TRPM6: variants seen among roughly 807,000 people sequenced by gnomAD.
TRPM6 encodes channel kinase 2.
A neutral mutation model predicts 247.6 loss-of-function variants in TRPM6; 111 were observed. The ratio of observed to expected loss-of-function variants is 0.45; its 90% CI spans 0.38 to 0.52. The LOEUF is 0.52. Ranked by LOEUF, TRPM6 falls within the 20% of genes least tolerant of loss-of-function variation. The pLI, the probability that TRPM6 is intolerant of heterozygous loss-of-function variation, is 0.00. For missense variants in TRPM6, 2,126 were observed against 2,421.5 expected (o/e 0.88, Z 2.56); for synonymous variants, 892 against 853.8 (o/e 1.04, Z -0.78).
At chr9:74,801,772 G>T in intron 16 of TRPM6, 126 bp downstream of exon 16, 1 of 1,179,550 alleles carries the variant, frequency 8.5e-7, no homozygotes, top group Non-Finnish European at 1.2e-6. Context: ...CTTTTAACAG[G>T]AGAGTCCATA....
chr9:74,875,204 C>A (rs1178676511), intron 1 of TRPM6: 1 of 453,664 alleles, frequency 2.2e-6, no homozygotes, highest in Non-Finnish European at 4.4e-6. Flanking sequence ...CACTGGAATT[C>A]AGAGATGTTG....
intron 25 of TRPM6, among the ~76,000 whole-genome samples, chr9:74,770,361 TTC>T (rs1248235032): frequency 1.3e-5 from 2 of 152,354 alleles, no homozygotes; most frequent in South Asian, 2.1e-4. Flanking sequence ...CACATTTAAC[TTC>T]TGTCAATTTG....
chr9:74,788,508 A>AC lies in TRPM6; in HGVS notation c.2667+105dup, dbSNP rs1827775014. ...AGGTCAGTGTGTCCTGTCTTCCCCC[A>AC]CCCTTGACATGTCCATTTTCATCAC... On this transcript the variant is annotated intron_variant, in intron 20 of 38. Transcript: ENST00000360774. 27 of 1,366,866 alleles carry AC rather than the reference A, an allele frequency of 2.0e-5. No individual in the cohort carries two copies. In the South Asian group the frequency reaches 2.8e-4, roughly 14 times the overall value. The allele number at this position is 1,366,866 out of a possible 1,614,324, so 84.7% of individuals were successfully genotyped here. A position where few individuals can be genotyped will look rare whatever the true frequency, so the allele number is the denominator to read the frequency against.
chr9:74,881,614 C>G (rs952343261), intron 1 of TRPM6, among the ~76,000 whole-genome samples: 3 of 152,122 alleles, frequency 2.0e-5, no homozygotes, highest in Non-Finnish European at 4.4e-5. Context: ...AACATCTCAT[C>G]CAACAGTTCC....
intron 3 of TRPM6, among the ~76,000 whole-genome samples, chr9:74,850,651 C>T (rs1261135919): frequency 6.7e-6 from 1 of 149,166 alleles, no homozygotes; most frequent in Non-Finnish European, 1.5e-5. Context: ...ACCTAGAAGG[C>T]AGAGGTTACT....
intron 7 of TRPM6, 199 bp downstream of exon 7, chr9:74,827,579 C>T: frequency 1.5e-6 from 1 of 687,766 alleles, no homozygotes; most frequent in African/African-American, 1.8e-5. Flanking sequence ...TTTAGTGGAT[C>T]CTCGAAGTGT....
chr9:74,736,242 C>G (rs1370259246), intron 36 of TRPM6, among the ~76,000 whole-genome samples: 1 of 152,160 alleles, frequency 6.6e-6, no homozygotes, highest in African/African-American at 2.4e-5. Context: ...AAGGTGGTTG[C>G]TCCTCCGTGT....
At chr9:74,732,414 T>C (rs942281568) in intron 37 of TRPM6, among the ~76,000 whole-genome samples, 1 of 152,220 alleles carries the variant, frequency 6.6e-6, no homozygotes, top group Non-Finnish European at 1.5e-5. Context: ...CATTGGGAAC[T>C]CAGTCAAATT....
intron 5 of TRPM6, among the ~76,000 whole-genome samples, chr9:74,834,456 C>CTTATTA (rs113274138): frequency 0.036 from 5,388 of 150,052 alleles, 313 homozygotes; most frequent in African/African-American, 0.12. Context: ...ATTATGAATG[C>CTTATTA]TTATTATTAT....
At chr9:74,746,845 G>A (rs1482497731) in intron 31 of TRPM6, among the ~76,000 whole-genome samples, 3 of 151,918 alleles carry the variant, frequency 2.0e-5, no homozygotes, top group South Asian at 2.1e-4. Flanking sequence ...GGGGAGTGGC[G>A]GGGGAGGGAC....
chr9:74,748,678 G>A (rs1283797961), intron 30 of TRPM6, among the ~76,000 whole-genome samples: 1 of 152,074 alleles, frequency 6.6e-6, no homozygotes, highest in Non-Finnish European at 1.5e-5. Flanking sequence ...ACATATTTTT[G>A]TACAACCATA....
intron 32 of TRPM6, among the ~76,000 whole-genome samples, chr9:74,743,436 C>T (rs1825927640): frequency 6.6e-6 from 1 of 152,212 alleles, no homozygotes; most frequent in South Asian, 2.1e-4. Flanking sequence ...AGCAATGACT[C>T]CCAAGAAACC....
At chr9:74,758,913 A>T (rs1038001743) in intron 27 of TRPM6, among the ~76,000 whole-genome samples, 3 of 152,150 alleles carry the variant, frequency 2.0e-5, no homozygotes. Context: ...CTACTCAAGT[A>T]AAGAAGTTTA....
intron 1 of TRPM6, among the ~76,000 whole-genome samples, chr9:74,864,887 C>A (rs1830795706): frequency 6.6e-6 from 1 of 151,990 alleles, no homozygotes; most frequent in Admixed American, 6.6e-5. Context: ...GCCTGGCCAA[C>A]ATGATGAAAC....
At chr9:74,887,191 G>T (rs1236357103) in intron 1 of TRPM6, 3 of 1,226,294 alleles carry the variant, frequency 2.4e-6, no homozygotes, top group Admixed American at 7.4e-5. Flanking sequence ...GCGGCGCCGC[G>T]TTGGGGAAGG....
chr9:74,843,643 C>T (rs1457016386), intron 3 of TRPM6, among the ~76,000 whole-genome samples: 2 of 150,186 alleles, frequency 1.3e-5, no homozygotes, highest in Non-Finnish European at 3.0e-5. Flanking sequence ...CCCGTCTCTA[C>T]TAAAAAATAC....
chr9:74,867,974 G>T (rs900345138), intron 1 of TRPM6, among the ~76,000 whole-genome samples: 1 of 151,716 alleles, frequency 6.6e-6, no homozygotes, highest in African/African-American at 2.4e-5. Context: ...CCAACATGGC[G>T]AAACCCCAAC....
chr9:74,813,547 GA>G (rs1415334617), intron 11 of TRPM6, among the ~76,000 whole-genome samples: 1 of 152,160 alleles, frequency 6.6e-6, no homozygotes, highest in Non-Finnish European at 1.5e-5. Context: ...CAATACAAGA[GA>G]AAAGACATGA....
At chr9:74,785,554 G>A (rs935485926) in intron 21 of TRPM6, among the ~76,000 whole-genome samples, 7 of 151,516 alleles carry the variant, frequency 4.6e-5, no homozygotes, top group Admixed American at 6.6e-5. Flanking sequence ...ATGGAGTCTC[G>A]CTCTGTCGCT....
Sources: allele counts gnomAD v4.1 joint callset (sites outside exome capture counted in the v4.1 genomes callset), GRCh38; gene constraint gnomAD v4.1.1; transcripts MANE v1.5; gene names NCBI Gene and HGNC (gene_info 2026-07-23, HGNC 2026-07-21).